NOP58: variants seen among roughly 807,000 people sequenced by gnomAD.
NOP58 encodes the protein nucleolar protein 58.
In NOP58, 44 loss-of-function variants were observed where a neutral mutation model predicts 71.2. That is an observed-to-expected ratio of 0.62 (90% CI 0.49 to 0.79). The LOEUF is 0.79. Ranked by LOEUF, NOP58 falls within the 30% of genes least tolerant of loss-of-function variation. The pLI is 0.00. For synonymous variants in NOP58, 228 were observed against 200.3 expected (o/e 1.14, Z -1.17); for missense variants, 538 against 620.2 (o/e 0.87, Z 1.41).
rs750553019 is a variant in NOP58, at chr2:202,303,474, C to T, written c.*38C>T. On this transcript the variant is annotated 3_prime_UTR_variant, in exon 15 of 15. Transcript: ENST00000264279. ...ACGATTATATCACCCGGACACACAT[C>T]ATGCTTAAGATTCAACTGGGAGCAT... 1.9e-6 allele frequency: 3 copies of T among 1,586,306 alleles called. No individual in the cohort carries two copies. Among genetic ancestry groups the T allele is most frequent in the African/African-American group, 1.3e-5 (1 of 74,432 alleles).
intron 6 of NOP58, among the ~76,000 whole-genome samples, chr2:202,288,731 C>A (rs1688833990): frequency 6.6e-6 from 1 of 152,022 alleles, no homozygotes; most frequent in African/African-American, 2.4e-5. Context: ...AGGAGAATCA[C>A]TTGAACCTGA....
chr2:202,284,568 A>T, intron 5 of NOP58, 87 bp downstream of exon 5: 1 of 1,371,514 alleles, frequency 7.3e-7, no homozygotes, highest in Non-Finnish European at 1.0e-6. Flanking sequence ...ACAAATGCTC[A>T]TTTGAACCAC....
intron 1 of NOP58, among the ~76,000 whole-genome samples, chr2:202,271,591 G>A (rs962473701): frequency 6.6e-6 from 1 of 151,640 alleles, no homozygotes; most frequent in African/African-American, 2.4e-5. Context: ...AAAAAGAATA[G>A]CATGTTAAAT....
chr2:202,299,459 TTA>T (rs147558925), intron 12 of NOP58, among the ~76,000 whole-genome samples: 5,984 of 152,228 alleles, frequency 0.039, 416 homozygotes, highest in African/African-American at 0.14. Context: ...TCTGCAATAT[TTA>T]TAGTCTATAA....
intron 6 of NOP58, among the ~76,000 whole-genome samples, chr2:202,288,837 G>A (rs569959270): frequency 9.2e-5 from 14 of 151,482 alleles, no homozygotes; most frequent in Admixed American, 6.6e-4. Context: ...CAAAGTATTC[G>A]GCTGGGCGCA....
intron 10 of NOP58, among the ~76,000 whole-genome samples, chr2:202,296,139 C>T (rs1402963500): frequency 1.3e-5 from 2 of 151,924 alleles, no homozygotes; most frequent in Non-Finnish European, 2.9e-5. Flanking sequence ...AAAAATCTAA[C>T]ATTTACGAAT....
intron 1 of NOP58, among the ~76,000 whole-genome samples, chr2:202,267,568 A>G (rs1338311962): frequency 2.6e-5 from 4 of 152,158 alleles, no homozygotes; most frequent in East Asian, 3.8e-4. Flanking sequence ...GCTTTTTGGA[A>G]TCTTATCTAA....
intron 9 of NOP58, among the ~76,000 whole-genome samples, chr2:202,294,211 C>T (rs1008956429): frequency 2.0e-5 from 3 of 151,326 alleles, no homozygotes; most frequent in Admixed American, 6.6e-5. Flanking sequence ...CCCAGCTACT[C>T]GGGATGCTGA....
At chr2:202,299,085 GA>G (rs1287651586) in intron 12 of NOP58, among the ~76,000 whole-genome samples, 5 of 147,584 alleles carry the variant, frequency 3.4e-5, no homozygotes, top group African/African-American at 1.2e-4. Context: ...TCAGCCTCCC[GA>G]GTAGCTAGGA....
chr2:202,303,162 T>C, intron 14 of NOP58, 105 bp downstream of exon 14: 1 of 1,393,334 alleles, frequency 7.2e-7, no homozygotes, highest in Admixed American at 2.3e-5. Flanking sequence ...AAAATGGTTT[T>C]CATTGATGGA....
intron 1 of NOP58, among the ~76,000 whole-genome samples, chr2:202,273,868 G>A (rs558224772): frequency 2.6e-5 from 4 of 151,826 alleles, no homozygotes; most frequent in South Asian, 2.1e-4. Context: ...GCTTGAACCC[G>A]GGAGGCGGAG....
At chr2:202,286,644 A>C (rs936746446) in intron 5 of NOP58, among the ~76,000 whole-genome samples, 1 of 152,248 alleles carries the variant, frequency 6.6e-6, no homozygotes, top group African/African-American at 2.4e-5. Context: ...GCTTTGTAAT[A>C]AGCATTTCTA....
chr2:202,271,440 G>A (rs940117702), intron 1 of NOP58, among the ~76,000 whole-genome samples: 1 of 151,742 alleles, frequency 6.6e-6, no homozygotes, highest in African/African-American at 2.4e-5. Flanking sequence ...GGCAGCATGT[G>A]CCTGTAATCC....
chr2:202,277,918 A>G (rs766300833), intron 2 of NOP58, 32 bp from the exon 3 acceptor site: 56 of 1,210,986 alleles, frequency 4.6e-5, no homozygotes, highest in Admixed American at 1.0e-4. Context: ...TGCCCCCAAT[A>G]ACATGTTTAT....
At chr2:202,274,423 G>A (rs1275054904) in intron 1 of NOP58, among the ~76,000 whole-genome samples, 1 of 30,226 alleles carries the variant, frequency 3.3e-5, no homozygotes, top group Non-Finnish European at 6.8e-5. Flanking sequence ...TTTTTTTTTT[G>A]TAGAGACGGG....
chr2:202,292,307 A>G (rs1223234980), intron 8 of NOP58, among the ~76,000 whole-genome samples: 1 of 151,860 alleles, frequency 6.6e-6, no homozygotes, highest in East Asian at 1.9e-4. Flanking sequence ...AGAATCTTTT[A>G]AAAATACAGT....
intron 13 of NOP58, among the ~76,000 whole-genome samples, chr2:202,301,666 G>A (rs1000481689): frequency 6.6e-6 from 1 of 152,152 alleles, no homozygotes; most frequent in Non-Finnish European, 1.5e-5. Context: ...TGGCCTGCTT[G>A]CTATTTCCTG....
intron 8 of NOP58, among the ~76,000 whole-genome samples, chr2:202,291,968 CTTTTTTTTTTTTTTTTTTTT>C (rs869075798): frequency 6.4e-4 from 28 of 43,952 alleles, no homozygotes; most frequent in South Asian, 3.3e-3. Context: ...TGCTCAGAAT[CTTTTTTTTTTTTTTTTTTTT>C]TTTTTTTTTT....
chr2:202,298,279 A>G (rs34233851), intron 12 of NOP58, among the ~76,000 whole-genome samples: 15,807 of 152,194 alleles, frequency 0.1, 994 homozygotes, highest in Non-Finnish European at 0.13. Context: ...ATTCATATAC[A>G]TATTTAATTT....
Sources: allele counts gnomAD v4.1 joint callset (sites outside exome capture counted in the v4.1 genomes callset), GRCh38; gene constraint gnomAD v4.1.1; transcripts MANE v1.5; gene names NCBI Gene and HGNC (gene_info 2026-07-23, HGNC 2026-07-21).